Variants in ITGA9 observed in about 807,000 individuals in gnomAD.
The protein encoded by ITGA9 is integrin subunit alpha 9.
In ITGA9, 56 loss-of-function variants were observed where a neutral mutation model predicts 127.8. The ratio of observed to expected loss-of-function variants is 0.44; its 90% CI spans 0.35 to 0.55. The LOEUF (loss-of-function observed/expected upper bound fraction) is 0.55, where lower values mean the gene tolerates loss of function less well. ITGA9 is among the 20% of genes least tolerant of loss of function. The pLI, the probability that ITGA9 is intolerant of heterozygous loss-of-function variation, is 0.00. For missense variants in ITGA9, 1,196 were observed against 1,347.1 expected, an observed-to-expected ratio of 0.89 and a Z score of 1.76; for synonymous variants, 508 against 514.5, an observed-to-expected ratio of 0.99 and a Z score of 0.17.
chr3:37,718,970 T>G (rs867673887), intron 18 of ITGA9, among the ~76,000 whole-genome samples: 4 of 152,218 alleles, frequency 2.6e-5, no homozygotes, highest in African/African-American at 9.6e-5. Flanking sequence ...GTGTGGCATC[T>G]CTGGCTCCCA....
chr3:37,777,667 C>T (rs1207463832), intron 24 of ITGA9, 150 bp downstream of exon 24: 1 of 859,070 alleles, frequency 1.2e-6, no homozygotes, highest in African/African-American at 1.7e-5. Context: ...AATTTTCAGT[C>T]TGAGGTTTCA....
At chr3:37,457,977 T>C (rs1287604965) in intron 1 of ITGA9, among the ~76,000 whole-genome samples, 1 of 152,276 alleles carries the variant, frequency 6.6e-6, no homozygotes, top group Non-Finnish European at 1.5e-5. Context: ...AATGGTCTCC[T>C]GATAACTTCT....
intron 17 of ITGA9, among the ~76,000 whole-genome samples, chr3:37,683,215 A>C (rs1231463866): frequency 6.6e-6 from 1 of 152,004 alleles, no homozygotes; most frequent in African/African-American, 2.4e-5. Context: ...GCACACGCCC[A>C]CCTCAGGACT....
At chr3:37,752,636 C>A (rs1044666859) in intron 23 of ITGA9, among the ~76,000 whole-genome samples, 1 of 152,212 alleles carries the variant, frequency 6.6e-6, no homozygotes, top group Non-Finnish European at 1.5e-5. Context: ...CTTACTCGCC[C>A]TATGGGCCCT....
intron 15 of ITGA9, among the ~76,000 whole-genome samples, chr3:37,577,408 C>T (rs1003757031): frequency 6.6e-6 from 1 of 152,214 alleles, no homozygotes; most frequent in Non-Finnish European, 1.5e-5. Context: ...GGTGTTGGCA[C>T]CTTCATAGCT....
intron 26 of ITGA9, among the ~76,000 whole-genome samples, chr3:37,791,455 C>T (rs572305212): frequency 4.0e-4 from 61 of 152,186 alleles, no homozygotes; most frequent in African/African-American, 1.4e-3. Context: ...CTCAGAATTG[C>T]GCTGGAAGGC....
At chr3:37,464,812 G>A (rs1579042021) in intron 1 of ITGA9, among the ~76,000 whole-genome samples, 1 of 152,326 alleles carries the variant, frequency 6.6e-6, no homozygotes, top group Admixed American at 6.5e-5. Context: ...AGGTCCCATG[G>A]CTCCATTGGG....
chr3:37,649,656 CT>C (rs1700411685), intron 16 of ITGA9, among the ~76,000 whole-genome samples: 1 of 152,152 alleles, frequency 6.6e-6, no homozygotes, highest in South Asian at 2.1e-4. Context: ...GATAGGACAT[CT>C]AGACAGAAAA....
chr3:37,526,667 G>A (rs935125948), intron 13 of ITGA9, among the ~76,000 whole-genome samples: 2 of 152,246 alleles, frequency 1.3e-5, no homozygotes, highest in Non-Finnish European at 1.5e-5. Flanking sequence ...GCCACCACCC[G>A]TGAACCCTCT....
rs183942398 is a variant in ITGA9, at chr3:37,733,021, A to T, written c.2154+223A>T. 2.3e-4 allele frequency: 126 copies of T among 553,718 alleles called. 1 individual carries two copies. Among genetic ancestry groups the T allele is most frequent in the African/African-American group, 2.2e-3 (116 of 53,106 alleles). The allele number at this position is 553,718 out of a possible 1,614,324, so 34.3% of individuals were successfully genotyped here. On this transcript the variant is annotated intron_variant, in intron 19 of 27. Coordinates refer to ENST00000264741, the MANE Select transcript of ITGA9 (RefSeq NM_002207.3). ...ATGGTCTTTCTCTTCGATTCACATG[A>T]TGTACCCCAAATGTGAAAGTGAAGG...
At chr3:37,490,975 C>CCACCTT (rs548395527) in intron 4 of ITGA9, among the ~76,000 whole-genome samples, 5 of 105,108 alleles carry the variant, frequency 4.8e-5, no homozygotes, top group Admixed American at 2.0e-4. Context: ...TTCCCCCCCG[C>CCACCTT]TTTTTTTTTT....
chr3:37,498,121 T>A (rs753908093), intron 5 of ITGA9, among the ~76,000 whole-genome samples: 3 of 152,180 alleles, frequency 2.0e-5, no homozygotes, highest in Non-Finnish European at 2.9e-5. Context: ...GAAAAGGGGT[T>A]GCCTGAGAAA....
At chr3:37,533,133 C>G (rs1452707222) in intron 13 of ITGA9, among the ~76,000 whole-genome samples, 181 bp from the exon 14 acceptor site, 1 of 152,104 alleles carries the variant, frequency 6.6e-6, no homozygotes, top group Admixed American at 6.6e-5. Flanking sequence ...GGCAATATGC[C>G]CCTTCTAAAA....
chr3:37,714,351 C>A (rs1273958110), intron 18 of ITGA9, among the ~76,000 whole-genome samples: 1 of 152,196 alleles, frequency 6.6e-6, no homozygotes, highest in African/African-American at 2.4e-5. Flanking sequence ...AGTTTTCTAG[C>A]CTCATTTATT....
intron 15 of ITGA9, among the ~76,000 whole-genome samples, chr3:37,617,527 A>G (rs891056154): frequency 6.6e-6 from 1 of 152,124 alleles, no homozygotes; most frequent in Non-Finnish European, 1.5e-5. Flanking sequence ...TAGACTGGGG[A>G]AGTTCTCCTG....
At chr3:37,525,140 G>A (rs1035382431) in intron 12 of ITGA9, among the ~76,000 whole-genome samples, 1 of 152,146 alleles carries the variant, frequency 6.6e-6, no homozygotes, top group African/African-American at 2.4e-5. Flanking sequence ...TTATATGGCC[G>A]GGTTGGGGTG....
intron 23 of ITGA9, among the ~76,000 whole-genome samples, chr3:37,753,015 T>A (rs190253013): frequency 1.7e-4 from 26 of 152,302 alleles, no homozygotes; most frequent in Admixed American, 3.9e-4. Flanking sequence ...ACTATCAATT[T>A]TCACTGCTTC....
intron 16 of ITGA9, among the ~76,000 whole-genome samples, chr3:37,642,012 A>T (rs772457674): frequency 1.6e-4 from 25 of 152,100 alleles, no homozygotes; most frequent in Non-Finnish European, 3.4e-4. Flanking sequence ...ATCATGGCTC[A>T]CTGCAGCCTC....
intron 15 of ITGA9, among the ~76,000 whole-genome samples, chr3:37,596,970 T>C (rs1699876440): frequency 6.6e-6 from 1 of 152,070 alleles, no homozygotes; most frequent in Non-Finnish European, 1.5e-5. Context: ...TGGCTTCTCC[T>C]CCCCTCCTCT....
Sources: allele counts gnomAD v4.1 joint callset (sites outside exome capture counted in the v4.1 genomes callset), GRCh38; gene constraint gnomAD v4.1.1; transcripts MANE v1.5; gene names NCBI Gene and HGNC (gene_info 2026-07-23, HGNC 2026-07-21).